The following ESRP1 variants were observed in gnomAD, a reference collection of about 807,000 sequenced individuals.
The protein encoded by ESRP1 is RNA-binding motif protein 35A.
Under a neutral mutation model 81.7 loss-of-function variants are expected in ESRP1, and 33 were observed. The observed-to-expected ratio is 0.40, with a 90% CI of 0.31 to 0.54. The LOEUF (loss-of-function observed/expected upper bound fraction) is 0.54, where lower values mean the gene tolerates loss of function less well. ESRP1 is among the 20% of genes least tolerant of loss of function. The pLI is 0.41. For missense variants in ESRP1, 672 were observed against 833.1 expected, an observed-to-expected ratio of 0.81 and a Z score of 2.38; for synonymous variants, 320 against 303.3, an observed-to-expected ratio of 1.06 and a Z score of -0.57.
chr8:94,654,748 C>T (rs1818312779), intron 4 of ESRP1, among the ~76,000 whole-genome samples: 1 of 151,680 alleles, frequency 6.6e-6, no homozygotes, highest in Non-Finnish European at 1.5e-5. Context: ...ACAGGGAGAC[C>T]CTGTCTCTAC....
In ESRP1 at chr8:94,651,239, CTTTTTT is replaced by C. The variant is rs35413910; in HGVS notation, c.490+4974_490+4979del. ...AGATGAAAGAAAATTATAGTGTGGT[CTTTTTT>C]TTTTTTTTTTTTTTTTGGGCAAAGT... On this transcript the variant is annotated intron_variant, in intron 4 of 15. Coordinates refer to ENST00000433389, the MANE Select transcript of ESRP1 (RefSeq NM_017697.4). 2.0e-4 allele frequency among the ~76,000 whole-genome samples: 21 copies of C among 102,788 alleles called. 1 individual carries two copies. The South Asian group carries it at 6.4e-3, about 31-fold the overall frequency. The allele number at this position is 102,788 out of a possible 152,430, so 67.4% of individuals were successfully genotyped here.
intron 13 of ESRP1, among the ~76,000 whole-genome samples, chr8:94,689,173 T>C (rs7017752): frequency 0.35 from 51,592 of 148,790 alleles, 9,481 homozygotes; most frequent in East Asian, 0.56. Flanking sequence ...ATTGCTTGAA[T>C]CTGGGAGGCA....
chr8:94,672,216 T>C (rs1042162321), intron 11 of ESRP1, among the ~76,000 whole-genome samples: 1 of 152,204 alleles, frequency 6.6e-6, no homozygotes, highest in African/African-American at 2.4e-5. Flanking sequence ...ATTTAATATA[T>C]ACATGTTAGA....
intron 15 of ESRP1, chr8:94,705,515 A>T (rs947429366): frequency 1.3e-5 from 2 of 154,678 alleles, no homozygotes; most frequent in Non-Finnish European, 2.9e-5. Flanking sequence ...GGAATTTCTT[A>T]TACTAGAATT....
intron 13 of ESRP1, among the ~76,000 whole-genome samples, chr8:94,681,485 AAAG>A (rs1222266973): frequency 6.6e-6 from 1 of 151,806 alleles, no homozygotes; most frequent in Admixed American, 6.6e-5. Flanking sequence ...AAAAATACAA[AAAG>A]TAGCTGGGTG....
At chr8:94,655,196 T>C (rs2130575379) in intron 4 of ESRP1, among the ~76,000 whole-genome samples, 1 of 151,910 alleles carries the variant, frequency 6.6e-6, no homozygotes, top group African/African-American at 2.4e-5. Flanking sequence ...TTCAAAGGAT[T>C]CTCATACCTC....
intron 12 of ESRP1, among the ~76,000 whole-genome samples, chr8:94,676,843 C>T (rs1027041008): frequency 3.3e-5 from 5 of 151,620 alleles, no homozygotes; most frequent in African/African-American, 9.7e-5. Flanking sequence ...TGTAATGAAC[C>T]GCTTGATAGT....
rs973021813 is a variant in ESRP1, at chr8:94,668,188, A to G, written c.1171A>G (p.Lys391Glu). The change falls in exon 10 of 16, where the codon AAA becomes GAA. Residue 391 changes from lysine (K) to glutamate (E), a missense_variant. Lys to Glu is a moderately conservative substitution (Grantham distance 56). Coordinates refer to ENST00000433389, the MANE Select transcript of ESRP1 (RefSeq NM_017697.4). ...TGCACAGAATGCGTTGAGGAAGCAT[A>G]AAGACTTGTTGGGTAAAAGATACAT... is the stretch of plus-strand genomic sequence containing the variant. ...EYAQNALRKHKDLLGKRYIEL... is the reference protein window; with the variant it reads ...EYAQNALRKHEDLLGKRYIEL... 1.2e-6 allele frequency: 2 copies of G among 1,613,780 alleles called. No homozygotes were observed. Among genetic ancestry groups the G allele is most frequent in the Non-Finnish European group, 1.7e-6 (2 of 1,179,742 alleles).
chr8:94,680,966 G>A (rs1203100986), intron 13 of ESRP1, among the ~76,000 whole-genome samples: 2 of 151,810 alleles, frequency 1.3e-5, no homozygotes, highest in African/African-American at 2.4e-5. Context: ...GCTTTGGGAG[G>A]CAAAGGTGGG....
intron 13 of ESRP1, among the ~76,000 whole-genome samples, chr8:94,679,596 A>G (rs6471457): frequency 0.46 from 70,537 of 152,086 alleles, 19,417 homozygotes; most frequent in South Asian, 0.68. Flanking sequence ...CAAAGGCAGA[A>G]GGAACTGACA....
chr8:94,669,962 A>G (rs1225473725), intron 10 of ESRP1, among the ~76,000 whole-genome samples: 1 of 152,088 alleles, frequency 6.6e-6, no homozygotes, highest in Non-Finnish European at 1.5e-5. Flanking sequence ...TTCAAACATG[A>G]CAAACATTCT....
At chr8:94,661,312 G>A (rs1258928988) in intron 4 of ESRP1, among the ~76,000 whole-genome samples, 1 of 152,172 alleles carries the variant, frequency 6.6e-6, no homozygotes, top group Non-Finnish European at 1.5e-5. Flanking sequence ...AAAGTGCTGG[G>A]ATTACAGGTG....
At chr8:94,670,659 C>G (rs1819270329) in intron 10 of ESRP1, among the ~76,000 whole-genome samples, 1 of 152,232 alleles carries the variant, frequency 6.6e-6, no homozygotes, top group Admixed American at 6.5e-5. Flanking sequence ...TGCTCTGAGA[C>G]AAAAGTGGAC....
chr8:94,670,264 C>T (rs1334052546), intron 10 of ESRP1, among the ~76,000 whole-genome samples: 6 of 152,116 alleles, frequency 3.9e-5, no homozygotes, highest in Admixed American at 3.3e-4. Flanking sequence ...ATTTGAGCAC[C>T]TCTTAATTGT....
At chr8:94,696,767 GTTGGTAGA>G in intron 14 of ESRP1, 77 bp from the exon 15 acceptor site, 6 of 1,038,768 alleles carry the variant, frequency 5.8e-6, no homozygotes, top group Non-Finnish European at 8.4e-6. Flanking sequence ...CTATACTTTT[GTTGGTAGA>G]TCTATTTAGC....
chr8:94,660,709 C>CAAAAAAAAAAAAAAAAAAAAA (rs60316449), intron 4 of ESRP1, among the ~76,000 whole-genome samples: 2 of 43,532 alleles, frequency 4.6e-5, no homozygotes, highest in Non-Finnish European at 7.5e-5. Context: ...GAGACTATCT[C>CAAAAAAAAAAAAAAAAAAAAA]AAAAAAAAAA....
At chr8:94,698,266 C>T (rs1809685015) in intron 15 of ESRP1, among the ~76,000 whole-genome samples, 1 of 152,214 alleles carries the variant, frequency 6.6e-6, no homozygotes, top group African/African-American at 2.4e-5. Flanking sequence ...CTCCATTCCT[C>T]CTTCTCCCCA....
At chr8:94,641,624 C>A in intron 1 of ESRP1, 174 bp downstream of exon 1, 2 of 913,960 alleles carry the variant, frequency 2.2e-6, no homozygotes, top group Non-Finnish European at 3.3e-6. Flanking sequence ...TGGCCAACTG[C>A]CTTGGAGCCA....
At chr8:94,700,639 T>C (rs1020566346) in intron 15 of ESRP1, among the ~76,000 whole-genome samples, 3 of 152,216 alleles carry the variant, frequency 2.0e-5, no homozygotes, top group African/African-American at 7.2e-5. Context: ...TTTAAAAATA[T>C]GTTAAGAGGG....
Sources: allele counts gnomAD v4.1 joint callset (sites outside exome capture counted in the v4.1 genomes callset), GRCh38; gene constraint gnomAD v4.1.1; transcripts MANE v1.5; gene names NCBI Gene and HGNC (gene_info 2026-07-23, HGNC 2026-07-21).